Variants in PCDH15 observed in about 807,000 individuals in gnomAD.
The protein encoded by PCDH15 is protocadherin related 15.
PCDH15 carries 129 observed loss-of-function variants against 178.5 expected under a neutral mutation model. That is an observed-to-expected ratio of 0.72 (90% CI 0.63 to 0.84). The LOEUF (loss-of-function observed/expected upper bound fraction) is 0.84, where lower values mean the gene tolerates loss of function less well. PCDH15 is among the 40% of genes least tolerant of loss of function. The pLI is 0.00. For missense variants in PCDH15, 2,230 were observed against 2,099.9 expected (o/e 1.06, Z -1.21); for synonymous variants, 800 against 732.0 (o/e 1.09, Z -1.50).
chr10:54,444,225 A>C (rs2076010231), intron 3 of PCDH15, among the ~76,000 whole-genome samples: 1 of 151,716 alleles, frequency 6.6e-6, no homozygotes. Flanking sequence ...GAGTATAAAC[A>C]AAGAGTTTGC....
At chr10:55,284,194 G>A (rs1188346604) in intron 1 of PCDH15, among the ~76,000 whole-genome samples, 4 of 152,018 alleles carry the variant, frequency 2.6e-5, no homozygotes, top group African/African-American at 9.7e-5. Flanking sequence ...AGCTACTCAG[G>A]CCTATGCTAT....
At chr10:54,500,164 A>G (rs1421507640) in intron 3 of PCDH15, among the ~76,000 whole-genome samples, 1 of 152,158 alleles carries the variant, frequency 6.6e-6, no homozygotes, top group Non-Finnish European at 1.5e-5. Context: ...AAGCAGTTGG[A>G]GGTCATTATA....
intron 2 of PCDH15, among the ~76,000 whole-genome samples, chr10:55,129,189 A>C (rs4406736): frequency 0.69 from 105,308 of 152,110 alleles, 36,945 homozygotes; most frequent in South Asian, 0.79. Flanking sequence ...GCTATACAAA[A>C]GTCATTGAAA....
In PCDH15 at chr10:54,510,018, A is replaced by C. The variant is rs139516343; in HGVS notation, c.157+17794T>G. 3.0e-3 allele frequency among the ~76,000 whole-genome samples: 456 copies of C among 151,904 alleles called. 6 individuals are homozygous for C. The highest frequency in any genetic ancestry group is 0.022 in the South Asian group (106 of 4,812). On this transcript the variant is annotated intron_variant, in intron 3 of 37. Coordinates refer to ENST00000644397, the MANE Select transcript of PCDH15 (RefSeq NM_001384140.1). The stretch of plus-strand genomic sequence containing the variant: ...TCCAAAACTCTTGGAGAAGTCAGCC[A>C]GACTCAGTCACTTCACTAATCTACA...
intron 2 of PCDH15, among the ~76,000 whole-genome samples, chr10:55,021,882 A>G (rs541199471): frequency 6.6e-6 from 1 of 152,226 alleles, no homozygotes; most frequent in Admixed American, 6.5e-5. Flanking sequence ...TGGCTATTTA[A>G]CAACCCGGAA....
intron 5 of PCDH15, among the ~76,000 whole-genome samples, chr10:54,346,828 A>C (rs1329796942): frequency 6.6e-6 from 1 of 152,210 alleles, no homozygotes; most frequent in Non-Finnish European, 1.5e-5. Context: ...AATGTTACCC[A>C]CAGGCTAGAA....
intron 25 of PCDH15, among the ~76,000 whole-genome samples, chr10:53,911,345 G>T (rs1029071110): frequency 1.3e-5 from 2 of 152,138 alleles, no homozygotes; most frequent in African/African-American, 2.4e-5. Flanking sequence ...TGAACAACCT[G>T]CTCCTGAACG....
intron 2 of PCDH15, among the ~76,000 whole-genome samples, chr10:55,055,304 C>G (rs1841269969): frequency 6.6e-6 from 1 of 152,044 alleles, no homozygotes; most frequent in Non-Finnish European, 1.5e-5. Flanking sequence ...ATTGGAGATG[C>G]ATGTAAGAAG....
At chr10:54,926,633 C>T (rs570748611) in intron 2 of PCDH15, among the ~76,000 whole-genome samples, 3 of 151,894 alleles carry the variant, frequency 2.0e-5, no homozygotes, top group African/African-American at 4.8e-5. Context: ...AATTTAGAGC[C>T]ATTAGTGGTC....
At chr10:54,464,768 T>G (rs12255100) in intron 3 of PCDH15, among the ~76,000 whole-genome samples, 9 of 150,502 alleles carry the variant, frequency 6.0e-5, no homozygotes, top group African/African-American at 2.0e-4. Context: ...AGGTTGAGTA[T>G]CTAGCTAGCT....
intron 26 of PCDH15, among the ~76,000 whole-genome samples, chr10:53,875,276 T>C (rs942907471): frequency 6.6e-6 from 1 of 152,134 alleles, no homozygotes; most frequent in Non-Finnish European, 1.5e-5. Context: ...ACTGTAAATA[T>C]AATAAGTATT....
At chr10:54,430,058 T>C (rs916059302) in intron 3 of PCDH15, among the ~76,000 whole-genome samples, 5 of 149,946 alleles carry the variant, frequency 3.3e-5, no homozygotes, top group African/African-American at 1.2e-4. Flanking sequence ...CCTTTTTTTT[T>C]TTTTTTTTTT....
intron 1 of PCDH15, among the ~76,000 whole-genome samples, chr10:54,724,777 GTATACATA>G (rs1190834377): frequency 2.0e-5 from 3 of 151,024 alleles, no homozygotes; most frequent in Admixed American, 6.7e-5. Flanking sequence ...ATGTGTGTTA[GTATACATA>G]TATACATATA....
chr10:54,428,781 T>G (rs1956602126), intron 3 of PCDH15, among the ~76,000 whole-genome samples: 2 of 152,226 alleles, frequency 1.3e-5, no homozygotes, highest in Admixed American at 1.3e-4. Flanking sequence ...CAGGAGAGGG[T>G]GGCATGACAC....
intron 2 of PCDH15, among the ~76,000 whole-genome samples, chr10:54,658,617 G>C (rs1277281197): frequency 3.3e-5 from 5 of 152,048 alleles, no homozygotes; most frequent in African/African-American, 1.2e-4. Flanking sequence ...CCATAGACTG[G>C]TCCTTCAAAA....
At chr10:55,208,807 T>G (rs1440488639) in intron 1 of PCDH15, among the ~76,000 whole-genome samples, 1 of 152,086 alleles carries the variant, frequency 6.6e-6, no homozygotes, top group Non-Finnish European at 1.5e-5. Flanking sequence ...TATTATTTAG[T>G]TATTTAACAA....
intron 8 of PCDH15, among the ~76,000 whole-genome samples, chr10:54,265,854 G>T (rs1372032135): frequency 2.0e-5 from 3 of 151,876 alleles, no homozygotes; most frequent in Non-Finnish European, 4.4e-5. Flanking sequence ...AACTGACAGT[G>T]GTAGATAGAT....
rs1320760906 is a variant in PCDH15 at position 54,911,084 on chromosome 10, C to T, written c.-79-13584G>A. On this transcript the variant is annotated intron_variant, in intron 2 of 5. Transcript: ENST00000458638. ...TCTGGAAAGGATGAAGTGAAATATC[C>T]GCCCTAGTACCTAATTTTTAAGACT... 3.9e-5 allele frequency among the ~76,000 whole-genome samples: 6 copies of T among 152,280 alleles called. No homozygotes were observed. The South Asian group carries it at 6.2e-4, about 16-fold the overall frequency.
chr10:54,061,433 T>C (rs1403463030), intron 18 of PCDH15, among the ~76,000 whole-genome samples: 1 of 151,954 alleles, frequency 6.6e-6, no homozygotes, highest in Non-Finnish European at 1.5e-5. Flanking sequence ...AGCTCTTCCA[T>C]TATTGTCAGA....
Sources: allele counts gnomAD v4.1 joint callset (sites outside exome capture counted in the v4.1 genomes callset), GRCh38; gene constraint gnomAD v4.1.1; transcripts MANE v1.5; gene names NCBI Gene and HGNC (gene_info 2026-07-23, HGNC 2026-07-21).